NUB1: variants seen among roughly 807,000 people sequenced by gnomAD.
NUB1 encodes NEDD8 ultimate buster 1.
Under a neutral mutation model 77.1 loss-of-function variants are expected in NUB1, and 41 were observed. The observed-to-expected ratio is 0.53, with a 90% CI of 0.41 to 0.69. The LOEUF is 0.69. Among genes scored for constraint, NUB1 ranks in the 30% least tolerant of loss-of-function variants. NUB1 has a pLI of 0.00. For missense variants in NUB1, 643 were observed against 743.8 expected (o/e 0.86, Z 1.58); for synonymous variants, 257 against 281.0 (o/e 0.91, Z 0.85).
At position 151,351,363 on chromosome 7, in the gene NUB1, G is replaced by A. The variant is rs191388805; in HGVS notation, c.286-61G>A. On this transcript the variant is annotated intron_variant, in intron 3 of 14. Coordinates refer to ENST00000568733, the MANE Select transcript of NUB1 (RefSeq NM_001243351.2). ...TGCCGTCAGCTTTTCTGATTTCACA[G>A]GGTAATCTCTCCAAAATGGGTTAAA... 2.3e-4 allele frequency: 293 copies of A among 1,250,786 alleles called. 2 individuals are homozygous for A. Among genetic ancestry groups the A allele is most frequent in the Middle Eastern group, 1.5e-3 (8 of 5,168 alleles). 77.5% of individuals were successfully genotyped at this position (1,250,786 alleles called of 1,614,324 possible). A position where few individuals can be genotyped will look rare whatever the true frequency, so the allele number is the denominator to read the frequency against.
intron 7 of NUB1, among the ~76,000 whole-genome samples, chr7:151,359,343 T>C (rs1797250912): frequency 6.7e-6 from 1 of 150,314 alleles, no homozygotes; most frequent in African/African-American, 2.5e-5. Flanking sequence ...CTTGGGAGGC[T>C]GAGGCAGGAG....
chr7:151,377,164 T>C lies in NUB1; in HGVS notation c.1787T>C (p.Ile596Thr). ...GACTCAACTCTGGAAGATGAAGAAA[T>C]TATTATTGCAGAGTACCTATCCTAT... is the stretch of plus-strand genomic sequence containing the variant. ...YLDSTLEDEE[I>T]IIAEYLSYVE... Residue 596 changes from isoleucine to threonine, a missense_variant, in exon 15 of 15, where the codon ATT becomes ACT. Ile to Thr is a moderately conservative substitution (Grantham distance 89, BLOSUM62 -1). Transcript: ENST00000568733. The C allele has an allele frequency of 6.3e-7, 1 of 1,590,438 alleles. No individual in the cohort carries two copies. The highest frequency in any genetic ancestry group is 8.6e-7 in the Non-Finnish European group (1 of 1,167,112).
chr7:151,352,915 TGAAC>T, intron 5 of NUB1, 33 bp downstream of exon 5: 2 of 1,145,818 alleles, frequency 1.7e-6, no homozygotes, highest in Non-Finnish European at 2.5e-6. Flanking sequence ...AATTTTTTAA[TGAAC>T]CAAATATAGA....
chr7:151,366,128 GCTGT>G (rs1410330771), intron 8 of NUB1, among the ~76,000 whole-genome samples: 1 of 152,120 alleles, frequency 6.6e-6, no homozygotes, highest in Admixed American at 6.5e-5. Flanking sequence ...CACCTTGATG[GCTGT>G]CTTTGTCAGT....
intron 12 of NUB1, 162 bp downstream of exon 12, chr7:151,374,405 G>A (rs745819236): frequency 1.8e-5 from 17 of 931,784 alleles, no homozygotes; most frequent in African/African-American, 3.3e-5. Context: ...CCAGACACAG[G>A]CTGCGTGAGG....
chr7:151,352,094 G>A, intron 4 of NUB1: 1 of 456,660 alleles, frequency 2.2e-6, no homozygotes, highest in South Asian at 1.5e-5. Flanking sequence ...CTACATCAGG[G>A]CTGTCAGGGG....
chr7:151,356,345 C>G (rs1485879490), intron 7 of NUB1, 123 bp downstream of exon 7: 2 of 731,152 alleles, frequency 2.7e-6, no homozygotes, highest in Non-Finnish European at 4.8e-6. Flanking sequence ...TCTCCAGCCT[C>G]GTAAACAGAA....
At chr7:151,376,380 G>A (rs569922715) in intron 13 of NUB1, 11 of 516,652 alleles carry the variant, frequency 2.1e-5, no homozygotes, top group East Asian at 1.6e-4. Flanking sequence ...CTGGTGTGGC[G>A]CCCTGCTCTC....
Position 151,377,312 on chromosome 7 carries a change from T to C in NUB1, c.*87T>C. The C allele has an allele frequency of 1.0e-6, 1 of 983,414 alleles. No individual in the cohort carries two copies. The highest frequency in any genetic ancestry group is 1.5e-6 in the Non-Finnish European group (1 of 689,474). 60.9% of individuals were successfully genotyped at this position (983,414 alleles called of 1,614,324 possible). A position where few individuals can be genotyped will look rare whatever the true frequency, so the allele number is the denominator to read the frequency against. On this transcript the variant is annotated 3_prime_UTR_variant, in exon 15 of 15. Coordinates refer to ENST00000568733, the MANE Select transcript of NUB1 (RefSeq NM_001243351.2). ...TGCAGCTCTTTCTGTTCTTACTTTTTATCTGAATTACAAGTCCTCTTTGGG... is the reference window on the plus strand; with the variant it reads ...TGCAGCTCTTTCTGTTCTTACTTTTCATCTGAATTACAAGTCCTCTTTGGG...
intron 8 of NUB1, among the ~76,000 whole-genome samples, chr7:151,361,400 A>G (rs1797374498): frequency 6.6e-6 from 1 of 152,146 alleles, no homozygotes; most frequent in Non-Finnish European, 1.5e-5. Flanking sequence ...TGACCCTGCT[A>G]GTCTTTGCAG....
rs767478410 is a variant in NUB1 at position 151,367,966 on chromosome 7, A to C, written c.1093A>C (p.Lys365Gln). ...NDVEAYEYLN[K>Q]ARQLFKELYI... Reference sequence around the variant, plus strand: ...TGTAGAGGCTTATGAGTATCTTAACAAGGTAAGAAAAGTAAAGTTGTAACC... The same window carrying C: ...TGTAGAGGCTTATGAGTATCTTAACCAGGTAAGAAAAGTAAAGTTGTAACC... The change falls in exon 10 of 15, where the codon AAG becomes CAG. Residue 365 changes from lysine to glutamine, a missense_variant and splice_region_variant. By Grantham distance (53) the Lys-to-Gln change is moderately conservative. Coordinates refer to ENST00000568733, the MANE Select transcript of NUB1 (RefSeq NM_001243351.2). 8 of 1,532,968 alleles carry C rather than the reference A, an allele frequency of 5.2e-6. No homozygotes were observed. In the Admixed American group the frequency reaches 1.2e-4, roughly 23 times the overall value. 95.0% of individuals were successfully genotyped at this position (1,532,968 alleles called of 1,614,324 possible).
intron 2 of NUB1, among the ~76,000 whole-genome samples, chr7:151,347,327 G>A (rs1429730487): frequency 5.3e-5 from 8 of 151,992 alleles, no homozygotes; most frequent in African/African-American, 1.7e-4. Context: ...ACTTGAACCC[G>A]GGAGTTGGAG....
Position 151,345,440 on chromosome 7 carries a change from A to G in NUB1, c.91A>G (p.Asn31Asp). Residue 31 changes from asparagine (N) to aspartate (D), a missense_variant, in exon 2 of 15, where the codon AAT becomes GAT. Coordinates refer to ENST00000568733, the MANE Select transcript of NUB1 (RefSeq NM_001243351.2). ...QLWKPPYTDENKKVGLALKDL... is the reference protein window; with the variant it reads ...QLWKPPYTDEDKKVGLALKDL... ...TTGGAAACCTCCATATACAGATGAA[A>G]ATAAAAAAGTTGGTTTGGCATTAAA... 1.9e-6 allele frequency: 3 copies of G among 1,602,980 alleles called. No homozygotes were observed. The highest frequency in any genetic ancestry group is 2.6e-6 in the Non-Finnish European group (3 of 1,175,080).
At chr7:151,344,938 T>C (rs1210456220) in intron 1 of NUB1, among the ~76,000 whole-genome samples, 1 of 152,070 alleles carries the variant, frequency 6.6e-6, no homozygotes, top group Non-Finnish European at 1.5e-5. Flanking sequence ...GGGCGGAGCT[T>C]GCAGTGAGCC....
intron 11 of NUB1, among the ~76,000 whole-genome samples, chr7:151,371,880 A>AT: frequency 6.6e-6 from 1 of 151,938 alleles, no homozygotes; most frequent in South Asian, 2.1e-4. Flanking sequence ...GCTGATTTTT[A>AT]TTTTTTTGTA....
At chr7:151,366,546 C>T (rs1363946106) in intron 8 of NUB1, among the ~76,000 whole-genome samples, 1 of 146,676 alleles carries the variant, frequency 6.8e-6, no homozygotes, top group African/African-American at 2.5e-5. Flanking sequence ...AAAGAAAGAA[C>T]GTTGCTCTGG....
In NUB1 at chr7:151,366,987, C is replaced by G. The variant is rs372366660; in HGVS notation, c.849C>G (p.Leu283=). The change falls in exon 9 of 15, where the codon CTC becomes CTG. Residue 283 remains leucine, a synonymous_variant. Coordinates refer to ENST00000568733, the MANE Select transcript of NUB1 (RefSeq NM_001243351.2). The stretch of plus-strand genomic sequence containing the variant: ...ACACAGTGGATAACTACGCCGTCCT[C>G]CAGCTGGATATAGTGTGGTGTTACT... ...LLDTVDNYAV[L]QLDIVWCYFR... is the part of the protein sequence containing the mutation. The G allele has an allele frequency of 1.9e-6, 3 of 1,613,520 alleles. No homozygotes were observed. In the South Asian group the frequency reaches 3.3e-5, roughly 18 times the overall value.
At chr7:151,343,949 A>G (rs1425393623) in intron 1 of NUB1, among the ~76,000 whole-genome samples, 1 of 152,032 alleles carries the variant, frequency 6.6e-6, no homozygotes, top group Non-Finnish European at 1.5e-5. Context: ...TGGGAGGCCG[A>G]GGCGGGCGGA....
intron 8 of NUB1, among the ~76,000 whole-genome samples, chr7:151,362,097 A>G (rs1797404816): frequency 6.6e-6 from 1 of 152,216 alleles, no homozygotes. Flanking sequence ...TCCTGGACAA[A>G]TCCTTGAAAT....
Sources: gnomAD v4.1 joint callset for allele counts (sites outside exome capture counted in the v4.1 genomes callset) on GRCh38, gnomAD v4.1.1 for gene constraint, MANE v1.5 for transcripts, NCBI Gene and HGNC (gene_info 2026-07-23, HGNC 2026-07-21) for gene names.